HPSE2: variants seen among roughly 807,000 people sequenced by gnomAD.
HPSE2 encodes inactive heparanase-2.
A neutral mutation model predicts 60.5 loss-of-function variants in HPSE2; 38 were observed. That is an observed-to-expected ratio of 0.63 (90% CI 0.48 to 0.82). The LOEUF is 0.82. HPSE2 is among the 40% of genes least tolerant of loss of function. HPSE2 has a pLI of 0.00. For missense variants in HPSE2, 713 were observed against 740.4 expected (o/e 0.96, Z 0.43); for synonymous variants, 295 against 293.2 (o/e 1.01, Z -0.06).
intron 3 of HPSE2, among the ~76,000 whole-genome samples, chr10:98,803,322 T>G (rs1370280311): frequency 1.3e-5 from 2 of 150,176 alleles, no homozygotes; most frequent in Non-Finnish European, 2.9e-5. Context: ...GCCCTTTAGT[T>G]TAATTAGATC....
chr10:99,232,176 C>CA (rs1490900098), intron 2 of HPSE2, among the ~76,000 whole-genome samples, 172 bp downstream of exon 2: 1 of 151,332 alleles, frequency 6.6e-6, no homozygotes, highest in East Asian at 2.0e-4. Flanking sequence ...CGAGGTGCAA[C>CA]CAGGCTCTCC....
the HPSE2 span, among the ~76,000 whole-genome samples, chr10:99,301,479 C>T: frequency 5.9e-5 from 9 of 152,338 alleles, no homozygotes; most frequent in South Asian, 2.1e-4. Flanking sequence ...GTCCCAAGGA[C>T]TTGCTCCTCC....
intron 9 of HPSE2, among the ~76,000 whole-genome samples, chr10:98,599,935 T>C (rs138877179): frequency 3.6e-4 from 55 of 152,312 alleles, no homozygotes; most frequent in African/African-American, 1.2e-3. Context: ...AGTCATTACA[T>C]TGATGTGTAG....
At chr10:99,234,763 T>G (rs1018034004) in intron 1 of HPSE2, among the ~76,000 whole-genome samples, 12 of 151,968 alleles carry the variant, frequency 7.9e-5, no homozygotes, top group African/African-American at 2.9e-4. Context: ...ACCGCTTCCC[T>G]TATAACGCTG....
intron 2 of HPSE2, among the ~76,000 whole-genome samples, chr10:99,160,301 T>A (rs1214611817): frequency 2.0e-5 from 3 of 152,166 alleles, no homozygotes; most frequent in African/African-American, 4.8e-5. Context: ...GACATACAAA[T>A]GGCTAATAGC....
intron 10 of HPSE2, among the ~76,000 whole-genome samples, chr10:98,489,264 C>T (rs533959010): frequency 6.6e-6 from 1 of 152,184 alleles, no homozygotes; most frequent in African/African-American, 2.4e-5. Context: ...AGGCACCCCC[C>T]ACCCCTGATT....
chr10:98,597,511 A>AG (rs960743003), intron 9 of HPSE2, among the ~76,000 whole-genome samples: 13 of 151,452 alleles, frequency 8.6e-5, no homozygotes, highest in Non-Finnish European at 1.0e-4. Context: ...CTAAAAAAAA[A>AG]AAAAAGAAAA....
chr10:99,210,734 A>G (rs956779643), intron 2 of HPSE2, among the ~76,000 whole-genome samples: 3 of 152,208 alleles, frequency 2.0e-5, no homozygotes, highest in Non-Finnish European at 4.4e-5. Context: ...TTTATGATAC[A>G]AACTCTCCAC....
chr10:98,494,097 G>A (rs1343464939), intron 9 of HPSE2, among the ~76,000 whole-genome samples: 6 of 152,148 alleles, frequency 3.9e-5, no homozygotes, highest in African/African-American at 1.4e-4. Flanking sequence ...TCAATTGTTT[G>A]AAATGCTTGT....
At chr10:98,592,415 A>T (rs912940601) in intron 9 of HPSE2, among the ~76,000 whole-genome samples, 3 of 152,128 alleles carry the variant, frequency 2.0e-5, no homozygotes, top group Non-Finnish European at 2.9e-5. Flanking sequence ...CTCAAACAAA[A>T]ATCCTCTATT....
chr10:99,300,758 G>C, the HPSE2 span, among the ~76,000 whole-genome samples: 1 of 152,118 alleles, frequency 6.6e-6, no homozygotes, highest in African/African-American at 2.4e-5. Context: ...CCTCTGTTTG[G>C]GACACAGAAG....
chr10:98,981,916 A>G lies in HPSE2; in HGVS notation c.610+162322T>C, dbSNP rs112823887. ...TGTAACCCTAATAACTGAGTCTTGGAACAATGCAATACCCTCCTTACTGGC... is the reference window on the plus strand; with the variant it reads ...TGTAACCCTAATAACTGAGTCTTGGGACAATGCAATACCCTCCTTACTGGC... On this transcript the variant is annotated intron_variant, in intron 3 of 11. Coordinates refer to ENST00000370552, the MANE Select transcript of HPSE2 (RefSeq NM_021828.5). 4.7e-3 allele frequency among the ~76,000 whole-genome samples: 712 copies of G among 152,252 alleles called. 3 individuals carry two copies. The highest frequency in any genetic ancestry group is 6.1e-3 in the Non-Finnish European group (413 of 67,994).
chr10:98,698,211 C>G (rs1422662444), intron 5 of HPSE2, among the ~76,000 whole-genome samples: 223 of 131,656 alleles, frequency 1.7e-3, no homozygotes, highest in South Asian at 5.0e-3. Flanking sequence ...CACACCACAC[C>G]TATTCCAAAA....
At chr10:98,865,795 T>C (rs191371378) in intron 3 of HPSE2, among the ~76,000 whole-genome samples, 13 of 152,174 alleles carry the variant, frequency 8.5e-5, no homozygotes, top group Non-Finnish European at 1.5e-4. Flanking sequence ...TCATAATTCA[T>C]AGGGCATTAG....
chr10:99,164,747 A>G (rs186381755), intron 2 of HPSE2, among the ~76,000 whole-genome samples: 1 of 152,354 alleles, frequency 6.6e-6, no homozygotes, highest in Non-Finnish European at 1.5e-5. Flanking sequence ...ATTTTAGGCC[A>G]GGCGCAGTGG....
chr10:98,761,962 C>T lies in HPSE2; in HGVS notation c.611-17906G>A, dbSNP rs1344279757. On this transcript the variant is annotated intron_variant, in intron 3 of 11. Coordinates refer to ENST00000370552, the MANE Select transcript of HPSE2 (RefSeq NM_021828.5). The stretch of plus-strand genomic sequence containing the variant: ...CAACATGCCAGACAGTTTGAGAATA[C>T]TCATTTACCTTCCCTCCCCTCCCCT... 2.0e-5 allele frequency among the ~76,000 whole-genome samples: 3 copies of T among 151,884 alleles called. No individual in the cohort carries two copies. The East Asian group carries it at 5.8e-4, about 30-fold the overall frequency.
chr10:99,156,298 A>G (rs1423345601), intron 2 of HPSE2, among the ~76,000 whole-genome samples: 1 of 125,506 alleles, frequency 8.0e-6, no homozygotes, highest in African/African-American at 2.6e-5. Flanking sequence ...ACACAACCAA[A>G]AAAGAGAATT....
At chr10:99,200,185 T>G (rs201003775) in intron 2 of HPSE2, among the ~76,000 whole-genome samples, 4 of 137,662 alleles carry the variant, frequency 2.9e-5, no homozygotes, top group African/African-American at 9.3e-5. Context: ...ATATTATGTG[T>G]TTTTTTTACC....
intron 2 of HPSE2, among the ~76,000 whole-genome samples, chr10:99,156,009 A>G (rs1311753247): frequency 6.6e-6 from 1 of 151,122 alleles, no homozygotes; most frequent in Non-Finnish European, 1.5e-5. Context: ...GAAGAAATGG[A>G]TAAATTCCTG....
Sources: gnomAD v4.1 joint callset for allele counts (sites outside exome capture counted in the v4.1 genomes callset) on GRCh38, gnomAD v4.1.1 for gene constraint, MANE v1.5 for transcripts, NCBI Gene and HGNC (gene_info 2026-07-23, HGNC 2026-07-21) for gene names.